CRACD: variants seen among roughly 807,000 people sequenced by gnomAD.
The protein encoded by CRACD is capping protein inhibiting regulator of actin dynamics.
CRACD carries 56 observed loss-of-function variants against 106.8 expected under a neutral mutation model. The observed-to-expected ratio is 0.52, with a 90% CI of 0.42 to 0.66. The LOEUF is 0.66. Ranked by LOEUF, CRACD falls within the 30% of genes least tolerant of loss-of-function variation. The pLI, the probability that CRACD is intolerant of heterozygous loss-of-function variation, is 0.00. For missense variants in CRACD, 1,730 were observed against 1,623.2 expected, an observed-to-expected ratio of 1.07 and a Z score of -1.13; for synonymous variants, 754 against 670.8, an observed-to-expected ratio of 1.12 and a Z score of -1.92.
At chr4:56,077,087 G>A (rs1732864485) in intron 1 of CRACD, among the ~76,000 whole-genome samples, 1 of 152,142 alleles carries the variant, frequency 6.6e-6, no homozygotes, top group Non-Finnish European at 1.5e-5. Flanking sequence ...TGTGATATTA[G>A]TCCATTCTCA....
intron 1 of CRACD, among the ~76,000 whole-genome samples, chr4:56,147,505 A>G (rs1201844447): frequency 6.6e-6 from 1 of 152,200 alleles, no homozygotes; most frequent in Non-Finnish European, 1.5e-5. Context: ...TGGACATTTT[A>G]TATAAATGGG....
chr4:56,315,082 T>C lies in CRACD; in HGVS notation c.1580T>C (p.Val527Ala). 6.2e-7 allele frequency: 1 copy of C among 1,609,948 alleles called. No individual in the cohort carries two copies. Among genetic ancestry groups the C allele is most frequent in the Non-Finnish European group, 8.5e-7 (1 of 1,178,930 alleles). ...GTGGAGGAGCTGCGGTGGCAGGAGG[T>C]GGACGAGAGACAGACCATGCCCCGG... Reference protein sequence around the residue: ...RKVEELRWQEVDERQTMPRPY... With the variant: ...RKVEELRWQEADERQTMPRPY... The change falls in exon 8 of 11, where the codon GTG becomes GCG. Residue 527 changes from valine (V) to alanine (A), a missense_variant. By Grantham distance (64) the Val-to-Ala change is moderately conservative. This residue lies in a region of CRACD where 1,620 missense variants were observed against 1,481.6 expected (regional missense o/e 1.09). Coordinates refer to ENST00000682029, the MANE Select transcript of CRACD (RefSeq NM_001393381.1). The surrounding 1 kb of genome is among the most constrained non-coding windows in gnomAD (Gnocchi z 4.1).
intron 1 of CRACD, among the ~76,000 whole-genome samples, chr4:56,164,812 A>G (rs1318542712): frequency 1.3e-5 from 2 of 152,222 alleles, no homozygotes; most frequent in African/African-American, 4.8e-5. Context: ...GCCTGATCAA[A>G]ACTGTTATAG....
intron 2 of CRACD, among the ~76,000 whole-genome samples, chr4:56,214,084 G>A (rs1366245020): frequency 6.6e-6 from 1 of 151,998 alleles, no homozygotes; most frequent in Non-Finnish European, 1.5e-5. Flanking sequence ...ACCATCCTGG[G>A]TGGCTTATAA....
At chr4:56,215,663 A>T (rs1738642431) in intron 2 of CRACD, among the ~76,000 whole-genome samples, 1 of 152,166 alleles carries the variant, frequency 6.6e-6, no homozygotes, top group Admixed American at 6.5e-5. Flanking sequence ...AGCATAATAG[A>T]TATTTGTTGA....
chr4:56,173,634 C>G (rs909175501), intron 1 of CRACD, among the ~76,000 whole-genome samples: 1 of 152,170 alleles, frequency 6.6e-6, no homozygotes, highest in African/African-American at 2.4e-5. Context: ...AGTCAAAGCT[C>G]ATTATTTATG....
rs567051316 is a variant in CRACD at position 56,249,484 on chromosome 4, C to T, written c.-188-22837C>T. ...TAGATTCTGGATATTAGCCCTTTGT[C>T]AGATGAGTAGGTTGCGAAAATTTTC... On this transcript the variant is annotated intron_variant, in intron 2 of 10. Coordinates refer to ENST00000682029, the MANE Select transcript of CRACD (RefSeq NM_001393381.1). Among the ~76,000 whole-genome samples, 581 of 151,388 alleles carry T rather than the reference C, an allele frequency of 3.8e-3. 4 individuals are homozygous for T. Among genetic ancestry groups the T allele is most frequent in the African/African-American group, 0.013 (547 of 41,198 alleles).
chr4:56,225,318 T>C lies in CRACD; in HGVS notation c.-189+45888T>C, dbSNP rs539018412. Among the ~76,000 whole-genome samples the C allele has an allele frequency of 7.2e-5, 11 of 152,306 alleles. No homozygotes were observed. In the South Asian group the frequency reaches 2.3e-3, roughly 32 times the overall value. On this transcript the variant is annotated intron_variant, in intron 2 of 10. Transcript: ENST00000682029. The stretch of plus-strand genomic sequence containing the variant: ...CATGTTGGCCAGGCTAGTCTCAAAC[T>C]CCTGACCTCAGGTGATCAACCCACC...
At chr4:56,225,356 A>G (rs1355251328) in intron 2 of CRACD, among the ~76,000 whole-genome samples, 1 of 152,188 alleles carries the variant, frequency 6.6e-6, no homozygotes, top group African/African-American at 2.4e-5. Flanking sequence ...GGCCTCCCAA[A>G]GTGCTGGGAT....
Position 56,328,706 on chromosome 4 carries a change from T to G in CRACD, c.*902T>G. The stretch of plus-strand genomic sequence containing the variant: ...TTCTGGCAAAAACTCTTCAGGTCAG[T>G]TCTGATAGATCCCAAAGGTTAAGAA... On this transcript the variant is annotated 3_prime_UTR_variant, in exon 11 of 11. Coordinates refer to ENST00000682029, the MANE Select transcript of CRACD (RefSeq NM_001393381.1). 1 of 179,156 alleles carries G rather than the reference T, an allele frequency of 5.6e-6. No homozygotes were observed. The allele number at this position is 179,156 out of a possible 1,614,324, so 11.1% of individuals were successfully genotyped here.
At chr4:56,290,323 A>G (rs1743634797) in intron 3 of CRACD, among the ~76,000 whole-genome samples, 1 of 152,218 alleles carries the variant, frequency 6.6e-6, no homozygotes, top group Non-Finnish European at 1.5e-5. Flanking sequence ...CTCACTTACA[A>G]AATAATATAG....
At chr4:56,188,735 G>GAGAGAGAGA (rs60242539) in intron 2 of CRACD, among the ~76,000 whole-genome samples, 13 of 148,146 alleles carry the variant, frequency 8.8e-5, no homozygotes, top group Non-Finnish European at 1.0e-4. Flanking sequence ...GAGAGAGAGA[G>GAGAGAGAGA]GGGTTAACAT....
intron 2 of CRACD, among the ~76,000 whole-genome samples, chr4:56,188,164 G>T (rs1737163843): frequency 6.6e-6 from 1 of 152,052 alleles, no homozygotes; most frequent in African/African-American, 2.4e-5. Context: ...ATTTAAAACA[G>T]AACTTAAATT....
chr4:56,157,611 G>A (rs1418678630), intron 1 of CRACD, among the ~76,000 whole-genome samples: 1 of 151,998 alleles, frequency 6.6e-6, no homozygotes, highest in Non-Finnish European at 1.5e-5. Flanking sequence ...TCATGGAGTC[G>A]GTCTTTTACG....
chr4:56,116,743 C>G (rs1364016124), intron 1 of CRACD, among the ~76,000 whole-genome samples: 1 of 152,196 alleles, frequency 6.6e-6, no homozygotes, highest in Non-Finnish European at 1.5e-5. Context: ...GAGTCTCACT[C>G]TGTCTCCCAG....
chr4:56,145,378 C>G (rs1463611719), intron 1 of CRACD, among the ~76,000 whole-genome samples: 1 of 152,026 alleles, frequency 6.6e-6, no homozygotes, highest in Non-Finnish European at 1.5e-5. Context: ...TCTTTTAGGA[C>G]TTTTTAGAGT....
rs376296476 is a variant in CRACD, at chr4:56,083,459, C to T, written c.-336+34160C>T. On this transcript the variant is annotated intron_variant, in intron 1 of 10. Coordinates refer to ENST00000682029, the MANE Select transcript of CRACD (RefSeq NM_001393381.1). ...GGTTAGACTGAACTTTGAGAATAAA[C>T]GCAGAAACAAATGCACAATTCATCC... 3.7e-4 allele frequency among the ~76,000 whole-genome samples: 57 copies of T among 152,176 alleles called. No homozygotes were observed. The South Asian group carries it at 0.01, about 27-fold the overall frequency.
intron 6 of CRACD, 61 bp downstream of exon 6, chr4:56,310,795 C>CCT: frequency 4.1e-6 from 4 of 966,752 alleles, no homozygotes; most frequent in Non-Finnish European, 6.3e-6. Context: ...ATCTTCCCCC[C>CCT]CCCTTTTTTT....
At chr4:56,220,662 C>A (rs1738982795) in intron 2 of CRACD, among the ~76,000 whole-genome samples, 1 of 149,866 alleles carries the variant, frequency 6.7e-6, no homozygotes, top group Non-Finnish European at 1.5e-5. Context: ...AGTTAGAATT[C>A]TTTGGGGAAG....
Sources: gnomAD v4.1 joint callset for allele counts (sites outside exome capture counted in the v4.1 genomes callset) on GRCh38, gnomAD v4.1.1 for gene constraint, gnomAD v4.1.1 regional missense constraint, Gnocchi (gnomAD v3.1) non-coding constraint, MANE v1.5 for transcripts, NCBI Gene and HGNC (gene_info 2026-07-23, HGNC 2026-07-21) for gene names.